Variants in MEGF8 observed in about 807,000 individuals in gnomAD.
The protein encoded by MEGF8 is multiple epidermal growth factor-like domains protein 8.
Under a neutral mutation model 302.9 loss-of-function variants are expected in MEGF8, and 156 were observed. The observed-to-expected ratio is 0.52, with a 90% CI of 0.45 to 0.59. The LOEUF (loss-of-function observed/expected upper bound fraction) is 0.59, where lower values mean the gene tolerates loss of function less well. MEGF8 is among the 20% of genes least tolerant of loss of function. The pLI is 0.00. For synonymous variants in MEGF8, 1,621 were observed against 1,660.5 expected (o/e 0.98, Z 0.58); for missense variants, 3,345 against 3,964.5 (o/e 0.84, Z 4.20).
intron 12 of MEGF8, among the ~76,000 whole-genome samples, chr19:42,347,000 A>AG (rs1244229218): frequency 2.7e-5 from 4 of 150,662 alleles, no homozygotes; most frequent in Admixed American, 1.3e-4. Context: ...AAAAAAAAAA[A>AG]AAAAAGAAAA....
chr19:42,353,739 G>T lies in MEGF8; in HGVS notation c.3762-36G>T, dbSNP rs1568567478. On this transcript the variant is annotated intron_variant, in intron 21 of 41. Coordinates refer to ENST00000251268, the MANE Select transcript of MEGF8 (RefSeq NM_001271938.2). This position sits in a 1 kb window ranked among gnomAD's most constrained non-coding sequence, Gnocchi z 6.1. Reference sequence around the variant, plus strand: ...TTGGGGACACAGTGGGGAGGGTCAGGACTGGTCTGACACTGGCTCTTCTCC... The same window carrying T: ...TTGGGGACACAGTGGGGAGGGTCAGTACTGGTCTGACACTGGCTCTTCTCC... 6.3e-7 allele frequency: 1 copy of T among 1,579,818 alleles called. No homozygotes were observed. Among genetic ancestry groups the T allele is most frequent in the Non-Finnish European group, 8.6e-7 (1 of 1,158,842 alleles).
Position 42,348,469 on chromosome 19 carries a change from C to A in MEGF8, c.2295C>A (p.Asn765Lys). 2 of 1,515,872 alleles carry A rather than the reference C, an allele frequency of 1.3e-6. No homozygotes were observed. The highest frequency in any genetic ancestry group is 1.2e-5 in the South Asian group (1 of 82,798). The allele number at this position is 1,515,872 out of a possible 1,614,324, so 93.9% of individuals were successfully genotyped here. ...TGGCCCGTGGCCCTGACACGGAGAA[C>A]ATGGTGAGGCCGCCTGGGACATTCA... ...ARMARGPDTE[N>K]MEEVGRWVAH... The change falls in exon 13 of 42, where the codon AAC (asparagine) becomes AAA (lysine). Residue 765 changes from asparagine (N) to lysine (K), a missense_variant. Transcript: ENST00000251268.
Position 42,351,181 on chromosome 19 carries a change from TG to T in MEGF8, c.2737-31del, listed in dbSNP as rs1423963777. 6.5e-7 allele frequency: 1 copy of T among 1,530,768 alleles called. No individual in the cohort carries two copies. Among genetic ancestry groups the T allele is most frequent in the Non-Finnish European group, 8.8e-7 (1 of 1,130,236 alleles). 94.8% of individuals were successfully genotyped at this position (1,530,768 alleles called of 1,614,324 possible). The stretch of plus-strand genomic sequence containing the variant: ...TGGGAGTCCAAAGGAAAGGGCTGAG[TG>T]GGGTTCTGACTCCTCTGCCCAACTG... On this transcript the variant is annotated intron_variant, in intron 15 of 41. Coordinates refer to ENST00000251268, the MANE Select transcript of MEGF8 (RefSeq NM_001271938.2). This position sits in a 1 kb window ranked among gnomAD's most constrained non-coding sequence, Gnocchi z 5.6.
At chr19:42,350,428 C>A in intron 15 of MEGF8, 44 bp downstream of exon 15, 1 of 1,441,578 alleles carries the variant, frequency 6.9e-7, no homozygotes, top group Non-Finnish European at 9.1e-7. Context: ...TGGAGGGAGC[C>A]ACAGCAGGCA....
At chr19:42,339,249 GTA>G (rs2039179582) in intron 8 of MEGF8, among the ~76,000 whole-genome samples, 1 of 152,166 alleles carries the variant, frequency 6.6e-6, no homozygotes, top group Non-Finnish European at 1.5e-5. Context: ...ATTCCTTGGG[GTA>G]TATACCCGAT....
chr19:42,362,924 G>T (rs1600066422), intron 34 of MEGF8, 124 bp from the exon 35 acceptor site: 8 of 844,936 alleles, frequency 9.5e-6, no homozygotes, highest in South Asian at 4.9e-5. Flanking sequence ...GGGAGGAGGG[G>T]CTGGGGCTGG....
chr19:42,344,636 C>T lies in MEGF8; in HGVS notation c.1934-34C>T. 1 of 1,566,392 alleles carries T rather than the reference C, an allele frequency of 6.4e-7. No individual in the cohort carries two copies. Among genetic ancestry groups the T allele is most frequent in the Admixed American group, 1.8e-5 (1 of 56,180 alleles). On this transcript the variant is annotated intron_variant, in intron 11 of 41. Coordinates refer to ENST00000251268, the MANE Select transcript of MEGF8 (RefSeq NM_001271938.2). This position sits in a 1 kb window ranked among gnomAD's most constrained non-coding sequence, Gnocchi z 4.5. ...CAGGAGGGGGCCAGAGCACTCCACA[C>T]TGACCCACCGGCCCCCACCCCCTGT...
rs530074538 is a variant in MEGF8 at position 42,370,685 on chromosome 19, G to A, written c.7006-16G>A. 50 of 1,589,200 alleles carry A rather than the reference G, an allele frequency of 3.1e-5. No individual in the cohort carries two copies. The highest frequency in any genetic ancestry group is 4.2e-5 in the Non-Finnish European group (49 of 1,167,874). On this transcript the variant is annotated splice_polypyrimidine_tract_variant and intron_variant, in intron 39 of 41. Coordinates refer to ENST00000251268, the MANE Select transcript of MEGF8 (RefSeq NM_001271938.2). ...GTCCAGGCCTTTCTATGATCACACT[G>A]TCCTTCCTTGGCCAGATTGAAAACT...
At position 42,351,313 on chromosome 19, in the gene MEGF8, A is replaced by C; in HGVS notation, c.2834A>C (p.Glu945Ala). ...CGGGGTGCCCTGAAGAGTCCAGAGG[A>C]GTGTCCCCCGCTCTGCAGCCAGTGA... Reference protein sequence around the residue: ...RGRGALKSPEECPPLCSQRLT... With the variant: ...RGRGALKSPEACPPLCSQRLT... Residue 945 changes from glutamate to alanine, a missense_variant, in exon 16 of 42, where the codon GAG becomes GCG. Coordinates refer to ENST00000251268, the MANE Select transcript of MEGF8 (RefSeq NM_001271938.2). This position sits in a 1 kb window ranked among gnomAD's most constrained non-coding sequence, Gnocchi z 5.6. The C allele has an allele frequency of 6.4e-7, 1 of 1,568,354 alleles. No individual in the cohort carries two copies. Among genetic ancestry groups the C allele is most frequent in the African/African-American group, 1.3e-5 (1 of 74,120 alleles).
At chr19:42,365,124 C>T (rs1263176062) in intron 35 of MEGF8, among the ~76,000 whole-genome samples, 2 of 152,154 alleles carry the variant, frequency 1.3e-5, no homozygotes, top group South Asian at 2.1e-4. Context: ...AGAGGCCTCT[C>T]GTCTCCAAGC....
Position 42,352,126 on chromosome 19 carries a change from C to G in MEGF8, c.3102-82C>G. The G allele has an allele frequency of 1.1e-5, 16 of 1,414,946 alleles. No homozygotes were observed. Among genetic ancestry groups the G allele is most frequent in the African/African-American group, 2.9e-5 (2 of 69,258 alleles). 87.6% of individuals were successfully genotyped at this position (1,414,946 alleles called of 1,614,324 possible). A position where few individuals can be genotyped will look rare whatever the true frequency, so the allele number is the denominator to read the frequency against. Reference sequence around the variant, plus strand: ...TTTGCATCCCTCTCCTTCCAATTGGCCTCCTCTCTCCCTGTCATTGTTTCT... The same window carrying G: ...TTTGCATCCCTCTCCTTCCAATTGGGCTCCTCTCTCCCTGTCATTGTTTCT... On this transcript the variant is annotated intron_variant, in intron 18 of 41. Coordinates refer to ENST00000251268, the MANE Select transcript of MEGF8 (RefSeq NM_001271938.2). This position sits in a 1 kb window ranked among gnomAD's most constrained non-coding sequence, Gnocchi z 4.4.
chr19:42,333,614 C>A lies in MEGF8; in HGVS notation c.197C>A (p.Pro66His). 2 of 1,613,790 alleles carry A rather than the reference C, an allele frequency of 1.2e-6. No individual in the cohort carries two copies. Among genetic ancestry groups the A allele is most frequent in the Middle Eastern group, 1.6e-4 (1 of 6,062 alleles). ...NCEWLIEAPS[P>H]QHRILLDFLF... is the part of the protein sequence containing the mutation. ...TGTGCTCACCTCCCAGCCCCAAGCC[C>A]CCAGCACCGGATCCTGCTGGACTTC... Residue 66 changes from proline (P) to histidine (H), a missense_variant, in exon 2 of 42, where the codon CCC (proline) becomes CAC (histidine). Physicochemically the swap from Pro to His is moderately conservative, Grantham distance 77. Coordinates refer to ENST00000251268, the MANE Select transcript of MEGF8 (RefSeq NM_001271938.2).
Position 42,369,815 on chromosome 19 carries a change from A to G in MEGF8, c.6834+92A>G. 7.5e-7 allele frequency: 1 copy of G among 1,339,656 alleles called. No individual in the cohort carries two copies. The highest frequency in any genetic ancestry group is 1.0e-6 in the Non-Finnish European group (1 of 987,540). 83.0% of individuals were successfully genotyped at this position (1,339,656 alleles called of 1,614,324 possible). On this transcript the variant is annotated intron_variant, in intron 38 of 41. Transcript: ENST00000251268. The surrounding 1 kb of genome is among the most constrained non-coding windows in gnomAD (Gnocchi z 5.7). ...CTCAGGCGGCTCGCATCTCATCCTG[A>G]GCCCTGATAAGCCAGGGACAGATAA...
In MEGF8 at chr19:42,357,059, C is replaced by A; in HGVS notation, c.4830+78C>A. On this transcript the variant is annotated intron_variant, in intron 27 of 41. Coordinates refer to ENST00000251268, the MANE Select transcript of MEGF8 (RefSeq NM_001271938.2). The surrounding 1 kb of genome is among the most constrained non-coding windows in gnomAD (Gnocchi z 5.2). ...AGACAGCTGTGGTAGCTCCTGCCAG[C>A]TCCATCCCCAGAGGAAACAGAAGCC... The A allele has an allele frequency of 7.2e-7, 1 of 1,380,410 alleles. No individual in the cohort carries two copies. The highest frequency in any genetic ancestry group is 9.8e-7 in the Non-Finnish European group (1 of 1,024,490). The allele number at this position is 1,380,410 out of a possible 1,614,324, so 85.5% of individuals were successfully genotyped here. A position where few individuals can be genotyped will look rare whatever the true frequency, so the allele number is the denominator to read the frequency against.
chr19:42,360,979 C>A lies in MEGF8; in HGVS notation c.5693C>A (p.Ala1898Asp). The A allele has an allele frequency of 6.4e-7, 1 of 1,567,380 alleles. No individual in the cohort carries two copies. The highest frequency in any genetic ancestry group is 8.7e-7 in the Non-Finnish European group (1 of 1,154,762). Residue 1898 changes from alanine to aspartate, a missense_variant, in exon 32 of 42, where the codon GCC (alanine) becomes GAC (aspartate). Ala to Asp is a moderately radical substitution (Grantham distance 126). Transcript: ENST00000251268. ...GGGGCCTGCACCTGGTGCCATGGGG[C>A]CTGCTTGTCCGGGGATCAGGCCCAC... is the stretch of plus-strand genomic sequence containing the variant. Reference protein sequence around the residue: ...QSGACTWCHGACLSGDQAHRL... With the variant: ...QSGACTWCHGDCLSGDQAHRL...
In MEGF8 at chr19:42,343,645, T is replaced by C; in HGVS notation, c.1668+14T>C. Reference sequence around the variant, plus strand: ...CCTGCCCCTGACGTGAGCACTGGGGTGACAGGGAAAGGGTGGCTGGGGGGA... The same window carrying C: ...CCTGCCCCTGACGTGAGCACTGGGGCGACAGGGAAAGGGTGGCTGGGGGGA... On this transcript the variant is annotated intron_variant, in intron 9 of 41. Transcript: ENST00000251268. The C allele has an allele frequency of 6.3e-7, 1 of 1,587,070 alleles. No individual in the cohort carries two copies. Among genetic ancestry groups the C allele is most frequent in the Non-Finnish European group, 8.6e-7 (1 of 1,164,068 alleles).
At position 42,375,929 on chromosome 19, in the gene MEGF8, A is replaced by G; in HGVS notation, c.7692A>G (p.Pro2564=). Residue 2564 remains proline (P), a synonymous_variant, in exon 42 of 42, where the codon CCA becomes CCG. Coordinates refer to ENST00000251268, the MANE Select transcript of MEGF8 (RefSeq NM_001271938.2). This position sits in a 1 kb window ranked among gnomAD's most constrained non-coding sequence, Gnocchi z 7.1. Reference sequence around the variant, plus strand: ...GTGGGCCGGGCGCCCCAGCAGAGCCACGGGTACGGGAGGTATGGCCGCGGG... The same window carrying G: ...GTGGGCCGGGCGCCCCAGCAGAGCCGCGGGTACGGGAGGTATGGCCGCGGG... ...ASSGPGAPAE[P]RVREVWPRGL... The G allele has an allele frequency of 6.2e-7, 1 of 1,600,916 alleles. No individual in the cohort carries two copies. The highest frequency in any genetic ancestry group is 1.1e-5 in the South Asian group (1 of 89,680).
rs555764027 is a variant in MEGF8, at chr19:42,354,128, T to G, written c.4011+104T>G. On this transcript the variant is annotated intron_variant, in intron 22 of 41. Transcript: ENST00000251268. This position sits in a 1 kb window ranked among gnomAD's most constrained non-coding sequence, Gnocchi z 4.3. ...GACCCTAGTATTGCTGTTTTTTTTT[T>G]TTTGTTTTTTTAATCCTTCAAAACC... The G allele has an allele frequency of 3.2e-4, 453 of 1,395,714 alleles. 4 individuals are homozygous for G. In the South Asian group the frequency reaches 5.7e-3, roughly 18 times the overall value. 86.5% of individuals were successfully genotyped at this position (1,395,714 alleles called of 1,614,324 possible).
At position 42,358,703 on chromosome 19, in the gene MEGF8, G is replaced by A. The variant is rs374494843; in HGVS notation, c.5176-84G>A. The A allele has an allele frequency of 1.3e-5, 19 of 1,437,446 alleles. No individual in the cohort carries two copies. In the South Asian group the frequency reaches 1.5e-4, roughly 11 times the overall value. 89.0% of individuals were successfully genotyped at this position (1,437,446 alleles called of 1,614,324 possible). On this transcript the variant is annotated intron_variant, in intron 29 of 41. Coordinates refer to ENST00000251268, the MANE Select transcript of MEGF8 (RefSeq NM_001271938.2). The surrounding 1 kb of genome is among the most constrained non-coding windows in gnomAD (Gnocchi z 4.4). ...AGAGGCTGGTGGTTTCAGTCCACAC[G>A]TTTCCAAGCCCGTCTTGGAGGCAGG...
Sources: gnomAD v4.1 joint callset for allele counts (sites outside exome capture counted in the v4.1 genomes callset) on GRCh38, gnomAD v4.1.1 for gene constraint, Gnocchi (gnomAD v3.1) non-coding constraint, MANE v1.5 for transcripts, NCBI Gene and HGNC (gene_info 2026-07-23, HGNC 2026-07-21) for gene names.